MDGA2: variants seen among roughly 807,000 people sequenced by gnomAD.
MDGA2 encodes MAM domain-containing glycosylphosphatidylinositol anchor protein 2.
In MDGA2, 40 loss-of-function variants were observed where a neutral mutation model predicts 117.8. That is an observed-to-expected ratio of 0.34 (90% CI 0.26 to 0.44). The LOEUF (loss-of-function observed/expected upper bound fraction) is 0.44, where lower values mean the gene tolerates loss of function less well. Ranked by LOEUF, MDGA2 falls within the 20% of genes least tolerant of loss-of-function variation. The pLI, the probability that MDGA2 is intolerant of heterozygous loss-of-function variation, is 1.00. For missense variants in MDGA2, 1,123 were observed against 1,250.6 expected (o/e 0.90, Z 1.54); for synonymous variants, 452 against 439.0 (o/e 1.03, Z -0.37).
At chr14:47,655,712 T>C (rs1897730260) in intron 1 of MDGA2, among the ~76,000 whole-genome samples, 1 of 152,080 alleles carries the variant, frequency 6.6e-6, no homozygotes, top group East Asian at 1.9e-4. Context: ...GGTAGCACAA[T>C]CCATAACAGA....
chr14:47,023,101 T>C (rs1282916815), intron 8 of MDGA2, among the ~76,000 whole-genome samples: 1 of 150,024 alleles, frequency 6.7e-6, no homozygotes, highest in Non-Finnish European at 1.5e-5. Flanking sequence ...GTTGAGAAGA[T>C]GGTAATGTTT....
In MDGA2 at chr14:47,490,885, C is replaced by T. The variant is rs145908347; in HGVS notation, c.280+183632G>A. The stretch of plus-strand genomic sequence containing the variant: ...ACGGGAATCAGTTGGCTAGGCCTGG[C>T]GTAGGTATCTCTTTCAGTGATGAGC... On this transcript the variant is annotated intron_variant, in intron 1 of 16. Transcript: ENST00000399232. Among the ~76,000 whole-genome samples the T allele has an allele frequency of 4.7e-3, 719 of 152,084 alleles. 5 individuals are homozygous for T. The highest frequency in any genetic ancestry group is 0.017 in the African/African-American group (686 of 41,510).
At chr14:47,304,819 A>T (rs1889391549) in intron 1 of MDGA2, among the ~76,000 whole-genome samples, 1 of 152,258 alleles carries the variant, frequency 6.6e-6, no homozygotes, top group African/African-American at 2.4e-5. Flanking sequence ...CCTCAGTGAG[A>T]ATGCAAAGAA....
At chr14:47,325,202 A>G (rs1387099013) in intron 1 of MDGA2, among the ~76,000 whole-genome samples, 1 of 152,184 alleles carries the variant, frequency 6.6e-6, no homozygotes, top group African/African-American at 2.4e-5. Context: ...CTGATCTCTC[A>G]ACTAAACTAT....
At chr14:47,560,299 C>A (rs548206803) in intron 1 of MDGA2, among the ~76,000 whole-genome samples, 3 of 152,108 alleles carry the variant, frequency 2.0e-5, no homozygotes, top group African/African-American at 7.2e-5. Context: ...TCTCGACCTC[C>A]TGACCTCGTG....
intron 1 of MDGA2, among the ~76,000 whole-genome samples, chr14:47,525,661 G>C (rs141618448): frequency 2.6e-5 from 4 of 151,712 alleles, no homozygotes; most frequent in African/African-American, 4.8e-5. Context: ...TTTCACCCTG[G>C]ACGACAGTGA....
intron 14 of MDGA2, among the ~76,000 whole-genome samples, chr14:46,861,873 A>C (rs558505116): frequency 2.0e-5 from 3 of 152,122 alleles, no homozygotes; most frequent in African/African-American, 7.2e-5. Context: ...ATTTAAACTT[A>C]TGTCAAGTCA....
At chr14:46,996,099 T>C (rs1191524907) in intron 8 of MDGA2, among the ~76,000 whole-genome samples, 1 of 152,162 alleles carries the variant, frequency 6.6e-6, no homozygotes, top group East Asian at 1.9e-4. Context: ...TTAAGCAGCA[T>C]CCTGGGAGAT....
At chr14:47,232,385 T>C (rs1886721644) in intron 2 of MDGA2, among the ~76,000 whole-genome samples, 1 of 152,016 alleles carries the variant, frequency 6.6e-6, no homozygotes. Flanking sequence ...TGCTGTGATA[T>C]TATTCTGTAT....
chr14:47,440,752 C>T (rs1174018256), intron 1 of MDGA2, among the ~76,000 whole-genome samples: 2 of 152,038 alleles, frequency 1.3e-5, no homozygotes, highest in South Asian at 4.1e-4. Flanking sequence ...AGATCTTCCT[C>T]TCACTCTAGG....
intron 1 of MDGA2, among the ~76,000 whole-genome samples, chr14:47,310,319 G>A (rs985933082): frequency 6.6e-6 from 1 of 152,094 alleles, no homozygotes; most frequent in Admixed American, 6.6e-5. Context: ...TGCCAGAGAA[G>A]AACCATGGGC....
intron 8 of MDGA2, among the ~76,000 whole-genome samples, chr14:46,983,549 C>G (rs1429853858): frequency 1.3e-5 from 2 of 152,070 alleles, no homozygotes; most frequent in Non-Finnish European, 2.9e-5. Flanking sequence ...ATCCCAAGTG[C>G]CACTGGAGAA....
intron 8 of MDGA2, among the ~76,000 whole-genome samples, chr14:46,982,839 C>A (rs191596992): frequency 1.3e-5 from 2 of 151,440 alleles, no homozygotes; most frequent in East Asian, 3.9e-4. Flanking sequence ...ACTTCCAACA[C>A]TATGTTGAAT....
chr14:47,301,691 C>T (rs1410573253), intron 1 of MDGA2, 141 bp from the exon 2 acceptor site: 3 of 787,762 alleles, frequency 3.8e-6, no homozygotes, highest in Non-Finnish European at 5.9e-6. Flanking sequence ...CTTAACACCT[C>T]CCCAAGGCAT....
chr14:47,351,688 A>T (rs1220592468), intron 1 of MDGA2, among the ~76,000 whole-genome samples: 1 of 152,162 alleles, frequency 6.6e-6, no homozygotes, highest in Non-Finnish European at 1.5e-5. Context: ...GTTTCATGTT[A>T]ATACCTAAGA....
intron 8 of MDGA2, among the ~76,000 whole-genome samples, chr14:46,995,407 G>C (rs1487981712): frequency 1.3e-5 from 2 of 152,134 alleles, no homozygotes; most frequent in Non-Finnish European, 2.9e-5. Flanking sequence ...AAGGTTGAAA[G>C]ACTGGACCTA....
At chr14:47,122,586 T>G (rs753852900) in intron 5 of MDGA2, among the ~76,000 whole-genome samples, 9 of 152,092 alleles carry the variant, frequency 5.9e-5, no homozygotes, top group South Asian at 2.1e-4. Flanking sequence ...TGTATTTTAT[T>G]GTATCTCCTT....
chr14:47,661,480 T>C lies in MDGA2; in HGVS notation c.280+13037A>G, dbSNP rs375931302. Reference sequence around the variant, plus strand: ...TGAAAGATAATCCAAGTTACTTAAGTTTTGTTTGTGCATGTATTTTAGAAT... The same window carrying C: ...TGAAAGATAATCCAAGTTACTTAAGCTTTGTTTGTGCATGTATTTTAGAAT... On this transcript the variant is annotated intron_variant, in intron 1 of 16. Coordinates refer to ENST00000399232, the MANE Select transcript of MDGA2 (RefSeq NM_001113498.3). 6.2e-4 allele frequency among the ~76,000 whole-genome samples: 95 copies of C among 152,242 alleles called. 2 individuals carry two copies. In the South Asian group the frequency reaches 0.018, roughly 30 times the overall value.
intron 6 of MDGA2, among the ~76,000 whole-genome samples, chr14:47,065,982 T>C (rs1890065379): frequency 6.6e-6 from 1 of 152,204 alleles, no homozygotes; most frequent in Admixed American, 6.5e-5. Context: ...AAAATCAATT[T>C]CCTATTTATT....
Sources: gnomAD v4.1 joint callset for allele counts (sites outside exome capture counted in the v4.1 genomes callset) on GRCh38, gnomAD v4.1.1 for gene constraint, MANE v1.5 for transcripts, NCBI Gene and HGNC (gene_info 2026-07-23, HGNC 2026-07-21) for gene names.